Variants in CACNA1A observed in about 807,000 individuals in gnomAD.
CACNA1A encodes the protein voltage-dependent P/Q-type calcium channel subunit alpha-1A.
In CACNA1A, 57 loss-of-function variants were observed where a neutral mutation model predicts 262.4. The observed-to-expected ratio is 0.22, with a 90% CI of 0.18 to 0.27. The LOEUF is 0.27. Ranked by LOEUF, CACNA1A falls within the 10% of genes least tolerant of loss-of-function variation. The pLI is 1.00. For missense variants in CACNA1A, 2,526 were observed against 3,562.8 expected (o/e 0.71, Z 7.41); for synonymous variants, 1,431 against 1,419.3 (o/e 1.01, Z -0.18).
At chr19:13,281,285 G>A (rs1600234213) in intron 22 of CACNA1A, among the ~76,000 whole-genome samples, 1 of 151,748 alleles carries the variant, frequency 6.6e-6, no homozygotes, top group East Asian at 1.9e-4. Context: ...GGCTGAGGTG[G>A]GAGGATCACT....
chr19:13,356,531 T>C (rs2059009907), intron 6 of CACNA1A, among the ~76,000 whole-genome samples: 1 of 152,184 alleles, frequency 6.6e-6, no homozygotes, highest in Admixed American at 6.5e-5. Context: ...CATTGGACAA[T>C]GATGTTTATA....
intron 6 of CACNA1A, among the ~76,000 whole-genome samples, chr19:13,340,089 ACT>A (rs1425375738): frequency 3.9e-5 from 6 of 151,982 alleles, no homozygotes; most frequent in Admixed American, 3.9e-4. Context: ...CAGTAGGGAG[ACT>A]CTGAGCCATC....
At chr19:13,439,406 CTT>C (rs34228712) in intron 3 of CACNA1A, among the ~76,000 whole-genome samples, 49 of 127,242 alleles carry the variant, frequency 3.9e-4, no homozygotes, top group African/African-American at 4.0e-4. Flanking sequence ...CTTCTTTTTT[CTT>C]TTTTTTTTTT....
intron 1 of CACNA1A, among the ~76,000 whole-genome samples, chr19:13,501,457 A>T (rs1042721436): frequency 3.3e-5 from 5 of 152,156 alleles, no homozygotes; most frequent in African/African-American, 1.2e-4. Context: ...TATAGGCGTG[A>T]ACCACCAGAC....
At chr19:13,230,417 C>T (rs1255663787) in intron 35 of CACNA1A, among the ~76,000 whole-genome samples, 2 of 151,938 alleles carry the variant, frequency 1.3e-5, no homozygotes, top group African/African-American at 4.8e-5. Context: ...GTGATGCTCA[C>T]TCACACAAGG....
chr19:13,208,785 C>T lies in CACNA1A; in HGVS notation c.6751G>A (p.Glu2251Lys), dbSNP rs758625682. Residue 2251 changes from glutamate (E) to lysine (K), a missense_variant, in exon 46 of 47, where the codon GAG becomes AAG. Glu to Lys is a moderately conservative substitution (Grantham distance 56). Around this residue, in one of 17 missense-constraint regions of CACNA1A, gnomAD observed 929 missense variants for 868.1 expected, o/e 1.07. Transcript: ENST00000360228. ...RDQRWSRSPSEGREHMAHRQG... is the reference protein window; with the variant it reads ...RDQRWSRSPSKGREHMAHRQG... ...CGGTGCGCCATGTGCTCTCGGCCCTCGCTGGGCGAGCGGGACCAGCGCTGG... is the reference window on the plus strand; with the variant it reads ...CGGTGCGCCATGTGCTCTCGGCCCTTGCTGGGCGAGCGGGACCAGCGCTGG... The T allele has an allele frequency of 1.5e-5, 23 of 1,553,364 alleles. No homozygotes were observed. Among genetic ancestry groups the T allele is most frequent in the African/African-American group, 1.2e-4 (9 of 73,164 alleles).
intron 3 of CACNA1A, among the ~76,000 whole-genome samples, chr19:13,383,120 A>G (rs2059550698): frequency 6.6e-6 from 1 of 152,230 alleles, no homozygotes. Flanking sequence ...CATTTATTCA[A>G]CAAGGATTTA....
chr19:13,482,048 C>T (rs1023076539), intron 1 of CACNA1A, among the ~76,000 whole-genome samples: 2 of 151,632 alleles, frequency 1.3e-5, no homozygotes, highest in South Asian at 2.1e-4. Flanking sequence ...TTGGAGAACA[C>T]GGAAAGATTT....
rs1444801840 is a variant in CACNA1A at position 13,207,895 on chromosome 19, CTGCG to C, written c.6935_6938del (p.Pro2312ArgfsTer295). The C allele has an allele frequency of 7.2e-7, 1 of 1,393,962 alleles. No homozygotes were observed. 86.3% of individuals were successfully genotyped at this position (1,393,962 alleles called of 1,614,324 possible). On this transcript the variant is annotated frameshift_variant, in exon 47 of 47. Coordinates refer to ENST00000360228, the MANE Select transcript of CACNA1A (RefSeq NM_001127222.2). LOFTEE classifies it low-confidence loss of function (END_TRUNC). The surrounding 1 kb of genome is among the most constrained non-coding windows in gnomAD (Gnocchi z 5.7). Reference sequence around the variant, plus strand: ...GCTGCTGCTGCTGCTGCTGCTGCTGCTGCGGGGGCCCCGAGCCGCCGGCCTTACG... The same window carrying C: ...GCTGCTGCTGCTGCTGCTGCTGCTGCGGGGCCCCGAGCCGCCGGCCTTACG...
chr19:13,220,196 G>C (rs989517673), intron 38 of CACNA1A, among the ~76,000 whole-genome samples: 3 of 151,978 alleles, frequency 2.0e-5, no homozygotes, highest in Admixed American at 6.6e-5. Context: ...GGGAGGCGGA[G>C]ATTGCAGTGA....
chr19:13,245,545 T>C (rs1443161426), intron 30 of CACNA1A: 1 of 443,938 alleles, frequency 2.3e-6, no homozygotes, highest in Non-Finnish European at 4.1e-6. Context: ...TTCAGAGCTG[T>C]GGCCTGTCTC....
chr19:13,428,787 A>C (rs149116554), intron 3 of CACNA1A, among the ~76,000 whole-genome samples: 1 of 152,194 alleles, frequency 6.6e-6, no homozygotes, highest in East Asian at 1.9e-4. Context: ...TGTCACAGCC[A>C]ATCACGTAGA....
intron 31 of CACNA1A, chr19:13,244,059 T>G (rs2056160216): frequency 6.6e-6 from 1 of 152,262 alleles, no homozygotes; most frequent in East Asian, 1.9e-4. Context: ...CCCCTATTGC[T>G]CTCTGCCTGC....
intron 10 of CACNA1A, among the ~76,000 whole-genome samples, chr19:13,326,527 T>C (rs1189447166): frequency 6.6e-6 from 1 of 152,060 alleles, no homozygotes; most frequent in Non-Finnish European, 1.5e-5. Flanking sequence ...GGCTCACGCC[T>C]GTAATCCCAC....
chr19:13,238,755 T>A (rs2055966886), intron 31 of CACNA1A, among the ~76,000 whole-genome samples: 1 of 152,020 alleles, frequency 6.6e-6, no homozygotes, highest in Admixed American at 6.6e-5. Context: ...CTGGCTAATT[T>A]TTGTATTTTT....
intron 10 of CACNA1A, among the ~76,000 whole-genome samples, 176 bp from the exon 11 acceptor site, chr19:13,317,497 G>T (rs1257811669): frequency 6.6e-6 from 1 of 152,208 alleles, no homozygotes; most frequent in Non-Finnish European, 1.5e-5. Flanking sequence ...TGGAGCTTAT[G>T]AGAAGACAGT....
intron 43 of CACNA1A, chr19:13,211,625 AGT>A (rs1164728534): frequency 5.2e-5 from 9 of 171,890 alleles, no homozygotes; most frequent in Non-Finnish European, 8.8e-5. Context: ...GTACATGTGC[AGT>A]GTGTATATGC....
At chr19:13,273,492 A>G (rs1056915119) in intron 24 of CACNA1A, 1 of 152,122 alleles carries the variant, frequency 6.6e-6, no homozygotes, top group African/African-American at 2.4e-5. Context: ...TCCATTGAGA[A>G]GTAGTGTTTC....
intron 3 of CACNA1A, among the ~76,000 whole-genome samples, chr19:13,382,421 C>T (rs1217007381): frequency 6.6e-6 from 1 of 152,100 alleles, no homozygotes; most frequent in African/African-American, 2.4e-5. Context: ...CTCACAGCCT[C>T]CTCCCTGGAA....
Sources: gnomAD v4.1 joint callset for allele counts (sites outside exome capture counted in the v4.1 genomes callset) on GRCh38, gnomAD v4.1.1 for gene constraint, gnomAD v4.1.1 regional missense constraint, Gnocchi (gnomAD v3.1) non-coding constraint, MANE v1.5 for transcripts, NCBI Gene and HGNC (gene_info 2026-07-23, HGNC 2026-07-21) for gene names.